Variants in SRFBP1 observed in about 807,000 individuals in gnomAD.
SRFBP1 encodes the protein serum response factor-binding protein 1.
Under a neutral mutation model 45.5 loss-of-function variants are expected in SRFBP1, and 47 were observed. That is an observed-to-expected ratio of 1.03 (90% CI 0.82 to 1.32). The LOEUF (loss-of-function observed/expected upper bound fraction) is 1.32, where lower values mean the gene tolerates loss of function less well. Among genes scored for constraint, SRFBP1 ranks in the 40% most tolerant of loss-of-function variants. The pLI, the probability that SRFBP1 is intolerant of heterozygous loss-of-function variation, is 0.00. For missense variants in SRFBP1, 621 were observed against 484.6 expected (o/e 1.28, Z -2.64); for synonymous variants, 203 against 166.3 (o/e 1.22, Z -1.70).
chr5:122,068,139 C>T (rs990272663), intron 2 of SRFBP1, among the ~76,000 whole-genome samples: 1 of 143,156 alleles, frequency 7.0e-6, no homozygotes, highest in African/African-American at 2.6e-5. Context: ...CAGCTTCAAC[C>T]ACTCTTGAAG....
chr5:121,968,035 CTT>C (rs1266736579), intron 1 of SRFBP1, among the ~76,000 whole-genome samples: 4 of 151,968 alleles, frequency 2.6e-5, no homozygotes, highest in African/African-American at 4.8e-5. Flanking sequence ...GTGTTTTTCT[CTT>C]ATATATTTTT....
intron 2 of SRFBP1, among the ~76,000 whole-genome samples, chr5:122,042,443 A>G (rs1364809887): frequency 1.3e-5 from 2 of 151,942 alleles, no homozygotes; most frequent in Non-Finnish European, 2.9e-5. Flanking sequence ...TGTAGAGACA[A>G]CATCTTGCTA....
At position 122,026,990 on chromosome 5, in the gene SRFBP1, T is replaced by C; in HGVS notation, c.1154T>C (p.Leu385Pro). The change falls in exon 8 of 8, where the codon CTA becomes CCA. Residue 385 changes from leucine (L) to proline (P), a missense_variant. Leu to Pro is a moderately conservative substitution (Grantham distance 98). Transcript: ENST00000339397. Reference protein sequence around the residue: ...PQIKNQFNKKLSGRLENTKQQ... With the variant: ...PQIKNQFNKKPSGRLENTKQQ... ...ATCAAGAATCAGTTTAATAAGAAGC[T>C]ATCAGGAAGACTTGAAAATACAAAA... 1 of 1,613,228 alleles carries C rather than the reference T, an allele frequency of 6.2e-7. No homozygotes were observed. Among genetic ancestry groups the C allele is most frequent in the Non-Finnish European group, 8.5e-7 (1 of 1,179,812 alleles).
chr5:122,075,594 A>G, downstream of SRFBP1: 14 of 1,209,484 alleles, frequency 1.2e-5, no homozygotes, highest in Non-Finnish European at 1.6e-5. Flanking sequence ...TTAACTAAAG[A>G]CAAAACTACA....
At chr5:122,036,693 T>G (rs1398949060) in intron 2 of SRFBP1, among the ~76,000 whole-genome samples, 1 of 152,158 alleles carries the variant, frequency 6.6e-6, no homozygotes, top group African/African-American at 2.4e-5. Context: ...TTGACAACAT[T>G]AGTACATGTT....
intron 2 of SRFBP1, among the ~76,000 whole-genome samples, chr5:122,039,157 C>T (rs975726141): frequency 2.0e-5 from 3 of 152,106 alleles, no homozygotes; most frequent in East Asian, 1.9e-4. Context: ...TCTCATATTC[C>T]GTAATGGGAA....
In SRFBP1 at chr5:122,074,214, A is replaced by G. The variant is rs1188408597; in HGVS notation, n.312-1101A>G. ...AAAGATGGTGGTCAGTTACATACAG[A>G]GAAAGCAATGAAGATATTAAATGAC... On this transcript the variant is annotated intron_variant and non_coding_transcript_variant, in intron 2 of 2. Coordinates refer to the SRFBP1 transcript ENST00000504881. 3 of 1,542,422 alleles carry G rather than the reference A, an allele frequency of 1.9e-6. No individual in the cohort carries two copies. In the African/African-American group the frequency reaches 4.1e-5, roughly 21 times the overall value.
intron 2 of SRFBP1, chr5:122,064,248 C>G (rs1754240995): frequency 6.6e-6 from 1 of 151,684 alleles, no homozygotes; most frequent in African/African-American, 2.4e-5. Context: ...TAATTGATAA[C>G]CTTCATCAAC....
intron 4 of SRFBP1, among the ~76,000 whole-genome samples, chr5:122,010,962 T>G (rs1753080495): frequency 6.6e-6 from 1 of 152,164 alleles, no homozygotes; most frequent in South Asian, 2.1e-4. Context: ...TACCTAAATA[T>G]CCATGTTTAG....
At chr5:122,052,469 T>C (rs2152578096) in intron 2 of SRFBP1, among the ~76,000 whole-genome samples, 1 of 152,344 alleles carries the variant, frequency 6.6e-6, no homozygotes, top group South Asian at 2.1e-4. Flanking sequence ...TTCTTTATTT[T>C]TGTCTGACTG....
intron 2 of SRFBP1, among the ~76,000 whole-genome samples, chr5:122,047,608 A>G (rs995171100): frequency 2.6e-5 from 4 of 152,106 alleles, no homozygotes; most frequent in African/African-American, 7.2e-5. Context: ...CTTGATGGGG[A>G]TGGCATTGAA....
Position 122,019,108 on chromosome 5 carries a change from T to G in SRFBP1, c.271-152T>G, listed in dbSNP as rs553755385. 1.6e-3 allele frequency: 985 copies of G among 629,734 alleles called. 21 individuals carry two copies. In the South Asian group the frequency reaches 0.02, roughly 13 times the overall value. The allele number at this position is 629,734 out of a possible 1,614,324, so 39.0% of individuals were successfully genotyped here. A position where few individuals can be genotyped will look rare whatever the true frequency, so the allele number is the denominator to read the frequency against. On this transcript the variant is annotated intron_variant, in intron 4 of 7. Coordinates refer to ENST00000339397, the MANE Select transcript of SRFBP1 (RefSeq NM_152546.3). ...GATGATCTTTGTCTTTAGCATGGAT[T>G]GATTATACAGATATCTTATCTAAGG...
intron 4 of SRFBP1, among the ~76,000 whole-genome samples, chr5:122,004,944 G>A (rs1752946521): frequency 1.3e-5 from 2 of 152,086 alleles, no homozygotes; most frequent in Non-Finnish European, 2.9e-5. Context: ...TTTCATGGAT[G>A]TGTGAATTTT....
Position 122,027,003 on chromosome 5 carries a change from T to A in SRFBP1, c.1167T>A (p.Leu389=). The change falls in exon 8 of 8, where the codon CTT becomes CTA. Residue 389 remains leucine (L), a synonymous_variant. Coordinates refer to ENST00000339397, the MANE Select transcript of SRFBP1 (RefSeq NM_152546.3). Reference sequence around the variant, plus strand: ...TTAATAAGAAGCTATCAGGAAGACTTGAAAATACAAAACAGCAATTGCAGC... The same window carrying A: ...TTAATAAGAAGCTATCAGGAAGACTAGAAAATACAAAACAGCAATTGCAGC... ...NQFNKKLSGR[L]ENTKQQLQLP... is the part of the protein sequence containing the mutation. The A allele has an allele frequency of 6.2e-7, 1 of 1,613,070 alleles. No homozygotes were observed. The highest frequency in any genetic ancestry group is 8.5e-7 in the Non-Finnish European group (1 of 1,179,766).
In SRFBP1 at chr5:122,020,370, C is replaced by G. The variant is rs760944671; in HGVS notation, c.635C>G (p.Ser212Cys). The stretch of plus-strand genomic sequence containing the variant: ...CCATCAAAGCCTTCAGAAAAGGATT[C>G]TGTAGTTTCCCTTGAGTCCCAGAAG... ...NSPSKPSEKDSVVSLESQKTP... is the reference protein window; with the variant it reads ...NSPSKPSEKDCVVSLESQKTP... Residue 212 changes from serine to cysteine, a missense_variant, in exon 6 of 8, where the codon TCT becomes TGT. Ser to Cys is a moderately radical substitution (Grantham distance 112). Coordinates refer to ENST00000339397, the MANE Select transcript of SRFBP1 (RefSeq NM_152546.3). 3 of 1,614,034 alleles carry G rather than the reference C, an allele frequency of 1.9e-6. No homozygotes were observed. The highest frequency in any genetic ancestry group is 2.5e-6 in the Non-Finnish European group (3 of 1,179,974).
chr5:122,050,585 G>T (rs372627462), intron 2 of SRFBP1, among the ~76,000 whole-genome samples: 1 of 152,016 alleles, frequency 6.6e-6, no homozygotes, highest in Non-Finnish European at 1.5e-5. Context: ...TTGTATTTCT[G>T]TGGGGTCAGT....
chr5:122,046,381 A>G (rs1355097838), intron 2 of SRFBP1, among the ~76,000 whole-genome samples: 1 of 152,082 alleles, frequency 6.6e-6, no homozygotes, highest in Non-Finnish European at 1.5e-5. Context: ...TGAACTCATC[A>G]GTTTTTATGG....
intron 1 of SRFBP1, 148 bp downstream of exon 1, chr5:121,962,216 C>T (rs1215252277): frequency 3.2e-6 from 3 of 928,744 alleles, no homozygotes; most frequent in Non-Finnish European, 3.3e-6. Context: ...TGGAGTTTGG[C>T]AACCGGTAAT....
At chr5:122,012,415 A>C (rs1317191246) in intron 4 of SRFBP1, among the ~76,000 whole-genome samples, 1 of 152,154 alleles carries the variant, frequency 6.6e-6, no homozygotes, top group African/African-American at 2.4e-5. Context: ...CATTTCAAAT[A>C]CAAGTGTAAT....
Sources: gnomAD v4.1 joint callset for allele counts (sites outside exome capture counted in the v4.1 genomes callset) on GRCh38, gnomAD v4.1.1 for gene constraint, MANE v1.5 for transcripts, NCBI Gene and HGNC (gene_info 2026-07-23, HGNC 2026-07-21) for gene names.